Variants in PALLD observed in about 807,000 individuals in gnomAD.
PALLD encodes the protein palladin.
In PALLD, 61 loss-of-function variants were observed where a neutral mutation model predicts 123.5. That is an observed-to-expected ratio of 0.49 (90% CI 0.40 to 0.61). The LOEUF is 0.61. Among genes scored for constraint, PALLD ranks in the 20% least tolerant of loss-of-function variants. The probability of loss-of-function intolerance (pLI) is 0.00; values close to 1 mark genes in which losing one functional copy is unlikely to be tolerated. For missense variants in PALLD, 1,273 were observed against 1,377.0 expected, an observed-to-expected ratio of 0.92 and a Z score of 1.20; for synonymous variants, 465 against 496.4, an observed-to-expected ratio of 0.94 and a Z score of 0.84.
chr4:168,926,418 A>G lies in PALLD; in HGVS notation c.*238A>G. 2.0e-6 allele frequency: 3 copies of G among 1,473,874 alleles called. 1 individual carries two copies. The South Asian group carries it at 3.6e-5, about 18-fold the overall frequency. The allele number at this position is 1,473,874 out of a possible 1,614,324, so 91.3% of individuals were successfully genotyped here. A position where few individuals can be genotyped will look rare whatever the true frequency, so the allele number is the denominator to read the frequency against. ...TTCTTGTTAAAGCTGAAACACTGAAACAGCCATTGCCTTGACCAACATATT... is the reference window on the plus strand; with the variant it reads ...TTCTTGTTAAAGCTGAAACACTGAAGCAGCCATTGCCTTGACCAACATATT... On this transcript the variant is annotated 3_prime_UTR_variant, in exon 22 of 22. Coordinates refer to ENST00000505667, the MANE Select transcript of PALLD (RefSeq NM_001166108.2).
At chr4:168,888,020 T>A (rs1035921389) in intron 10 of PALLD, among the ~76,000 whole-genome samples, 48 of 152,130 alleles carry the variant, frequency 3.2e-4, no homozygotes, top group Non-Finnish European at 7.3e-5. Flanking sequence ...GTCAGGGACA[T>A]CCTTTCCAAG....
At chr4:168,804,146 G>C (rs1228346252) in intron 10 of PALLD, among the ~76,000 whole-genome samples, 1 of 152,210 alleles carries the variant, frequency 6.6e-6, no homozygotes, top group Non-Finnish European at 1.5e-5. Flanking sequence ...GGTTGAAAAT[G>C]TATCCTCACA....
intron 10 of PALLD, chr4:168,864,629 TA>T (rs1349451535): frequency 1.3e-5 from 2 of 152,208 alleles, no homozygotes; most frequent in East Asian, 1.9e-4. Flanking sequence ...ACTACTTCCC[TA>T]AATGAAGGGC....
chr4:168,690,293 T>C (rs908893678), intron 6 of PALLD, among the ~76,000 whole-genome samples: 3 of 152,136 alleles, frequency 2.0e-5, no homozygotes, highest in African/African-American at 7.2e-5. Context: ...AAAGTTAACA[T>C]TGGTTACCAT....
chr4:168,724,047 C>T (rs983343510), intron 10 of PALLD, among the ~76,000 whole-genome samples: 2 of 152,162 alleles, frequency 1.3e-5, no homozygotes, highest in Non-Finnish European at 2.9e-5. Flanking sequence ...CACGTGCCAC[C>T]GTGCCCAGCT....
At position 168,711,939 on chromosome 4, in the gene PALLD, T is replaced by C; in HGVS notation, c.1964+16T>C. 1.3e-6 allele frequency: 2 copies of C among 1,598,466 alleles called. No homozygotes were observed. Among genetic ancestry groups the C allele is most frequent in the Non-Finnish European group, 1.7e-6 (2 of 1,166,134 alleles). On this transcript the variant is annotated intron_variant, in intron 10 of 21. Coordinates refer to ENST00000505667, the MANE Select transcript of PALLD (RefSeq NM_001166108.2). ...AACCAAAACTGTGAGTATTTCTGCA[T>C]GGTTTTATAATAATTTCCATACCCC...
chr4:168,753,176 C>T (rs1581277817), intron 10 of PALLD, among the ~76,000 whole-genome samples: 2 of 152,104 alleles, frequency 1.3e-5, no homozygotes, highest in East Asian at 1.9e-4. Context: ...AGAAGACTCT[C>T]CCCTCTTAAT....
rs542415641 is a variant in PALLD at position 168,506,908 on chromosome 4, GC to G, written c.-82-4514del. 4.6e-5 allele frequency among the ~76,000 whole-genome samples: 7 copies of G among 152,232 alleles called. No homozygotes were observed. In the East Asian group the frequency reaches 9.6e-4, roughly 21 times the overall value. ...GCTTCCTGAGATATTTTCTTTCCCA[GC>G]TTCCACGATATCTAGCTTTTCTTGC... On this transcript the variant is annotated intron_variant, in intron 1 of 21. Coordinates refer to ENST00000505667, the MANE Select transcript of PALLD (RefSeq NM_001166108.2).
chr4:168,888,002 C>G (rs1317502857), intron 10 of PALLD, among the ~76,000 whole-genome samples: 1 of 152,068 alleles, frequency 6.6e-6, no homozygotes, highest in Non-Finnish European at 1.5e-5. Context: ...ACTAATGGGA[C>G]AAGCTTAGTC....
chr4:168,621,077 TTCCAG>T (rs1394928137), intron 2 of PALLD, among the ~76,000 whole-genome samples: 3 of 152,210 alleles, frequency 2.0e-5, no homozygotes, highest in African/African-American at 7.2e-5. Context: ...AAAACTGCAA[TTCCAG>T]ACTAGCAGAT....
At chr4:168,772,254 G>A (rs139497097) in intron 10 of PALLD, among the ~76,000 whole-genome samples, 2 of 152,068 alleles carry the variant, frequency 1.3e-5, no homozygotes, top group Non-Finnish European at 2.9e-5. Flanking sequence ...TCAGGATCTA[G>A]GCTCCTAACA....
chr4:168,829,725 C>T (rs1288795320), intron 10 of PALLD, among the ~76,000 whole-genome samples: 3 of 152,102 alleles, frequency 2.0e-5, no homozygotes, highest in South Asian at 2.1e-4. Flanking sequence ...TTGACATGGG[C>T]GTAAACAAGC....
At chr4:168,783,036 TTATA>T (rs370965065) in intron 10 of PALLD, among the ~76,000 whole-genome samples, 87 of 146,492 alleles carry the variant, frequency 5.9e-4, no homozygotes, top group Non-Finnish European at 1.2e-3. Context: ...CTCACAAATT[TTATA>T]TATATATGTG....
chr4:168,882,215 C>T (rs571337012), intron 10 of PALLD, among the ~76,000 whole-genome samples: 14 of 152,272 alleles, frequency 9.2e-5, no homozygotes, highest in African/African-American at 2.2e-4. Context: ...ATCTCATTGT[C>T]GCTCTCTTTC....
chr4:168,626,950 A>C (rs1775359571), intron 2 of PALLD, among the ~76,000 whole-genome samples: 3 of 152,174 alleles, frequency 2.0e-5, no homozygotes, highest in African/African-American at 7.2e-5. Context: ...TGGAGGAAGG[A>C]GAAATAGAAA....
intron 10 of PALLD, among the ~76,000 whole-genome samples, chr4:168,801,464 G>T (rs1739313536): frequency 6.6e-6 from 1 of 152,104 alleles, no homozygotes; most frequent in Non-Finnish European, 1.5e-5. Flanking sequence ...ATTTTTAGTA[G>T]AGACAGGGTT....
At chr4:168,550,277 A>AT (rs5863942) in intron 2 of PALLD, among the ~76,000 whole-genome samples, 93,502 of 151,208 alleles carry the variant, frequency 0.62, 29,184 homozygotes, top group East Asian at 0.8. Context: ...GCAAAACTAC[A>AT]TTTTTTTTTA....
chr4:168,513,240 A>T (rs989189876), intron 2 of PALLD, among the ~76,000 whole-genome samples: 1 of 152,216 alleles, frequency 6.6e-6, no homozygotes, highest in Non-Finnish European at 1.5e-5. Context: ...CCTAAGAAAG[A>T]AAGATAAATC....
At chr4:168,894,458 C>G in intron 11 of PALLD, 121 bp from the exon 12 acceptor site, 3 of 718,386 alleles carry the variant, frequency 4.2e-6, no homozygotes, top group Non-Finnish European at 7.5e-6. Context: ...GTATCTGAAG[C>G]TGGAGAGAGA....
Sources: gnomAD v4.1 joint callset for allele counts (sites outside exome capture counted in the v4.1 genomes callset) on GRCh38, gnomAD v4.1.1 for gene constraint, MANE v1.5 for transcripts, NCBI Gene and HGNC (gene_info 2026-07-23, HGNC 2026-07-21) for gene names.